FNDC3B: variants seen among roughly 807,000 people sequenced by gnomAD.
The protein encoded by FNDC3B is fibronectin type III domain containing 3B, also known as fibronectin type III domain-containing protein 3B.
Under a neutral mutation model 151.5 loss-of-function variants are expected in FNDC3B, and 12 were observed. That is an observed-to-expected ratio of 0.08 (90% confidence interval 0.05 to 0.13). The LOEUF (loss-of-function observed/expected upper bound fraction) is 0.13. Ranked by LOEUF, FNDC3B falls within the 10% of genes least tolerant of loss-of-function variation. FNDC3B has a pLI of 1.00. For synonymous variants in FNDC3B, 528 were observed against 549.0 expected (o/e 0.96, Z 0.54); for missense variants, 1,214 against 1,505.3 (o/e 0.81, Z 3.20).
chr3:172,152,355 C>A (rs913411238), intron 3 of FNDC3B, among the ~76,000 whole-genome samples: 17 of 152,154 alleles, frequency 1.1e-4, no homozygotes, highest in Non-Finnish European at 1.9e-4. Context: ...GGGTACTTAA[C>A]GCCTTCTAAG....
chr3:172,363,245 T>G (rs1444202271), intron 23 of FNDC3B, among the ~76,000 whole-genome samples: 2 of 152,164 alleles, frequency 1.3e-5, no homozygotes, highest in African/African-American at 2.4e-5. Flanking sequence ...AGGACAAACA[T>G]GTTTACCAAT....
chr3:172,174,944 C>CCCCCCCG (rs924176605), intron 3 of FNDC3B, among the ~76,000 whole-genome samples: 38 of 50,740 alleles, frequency 7.5e-4, no homozygotes, highest in East Asian at 8.8e-4. Flanking sequence ...CCCCCCCCCC[C>CCCCCCCG]CCAATACAAT....
intron 3 of FNDC3B, among the ~76,000 whole-genome samples, chr3:172,159,999 T>C (rs1486118844): frequency 6.6e-6 from 1 of 152,204 alleles, no homozygotes; most frequent in African/African-American, 2.4e-5. Context: ...CTGCAGATTG[T>C]CCTGGGTCAC....
intron 3 of FNDC3B, among the ~76,000 whole-genome samples, chr3:172,134,581 GT>G (rs575938899): frequency 1.3e-3 from 198 of 149,176 alleles, no homozygotes; most frequent in Non-Finnish European, 2.3e-3. Context: ...TATAGAAACA[GT>G]TTTTTTTTTC....
At chr3:172,126,787 G>C (rs931760229) in intron 2 of FNDC3B, among the ~76,000 whole-genome samples, 10 of 152,170 alleles carry the variant, frequency 6.6e-5, no homozygotes, top group African/African-American at 2.4e-4. Context: ...GCCCTTAATA[G>C]GAAATTTCCA....
intron 6 of FNDC3B, among the ~76,000 whole-genome samples, chr3:172,266,929 G>A (rs1728950310): frequency 6.6e-6 from 1 of 152,252 alleles, no homozygotes; most frequent in East Asian, 1.9e-4. Context: ...AAACCTGGCT[G>A]AGCCAGCCCA....
At chr3:172,135,269 G>A (rs1320451237) in intron 3 of FNDC3B, among the ~76,000 whole-genome samples, 1 of 152,042 alleles carries the variant, frequency 6.6e-6, no homozygotes, top group Admixed American at 6.6e-5. Context: ...GTGTGTGTGT[G>A]TGTATATATG....
intron 1 of FNDC3B, among the ~76,000 whole-genome samples, chr3:172,107,635 A>G (rs1224248033): frequency 6.6e-6 from 1 of 152,144 alleles, no homozygotes; most frequent in African/African-American, 2.4e-5. Context: ...CTAAGATGAA[A>G]ATGAGTTACA....
chr3:172,248,510 A>G (rs1727900529), intron 5 of FNDC3B, among the ~76,000 whole-genome samples: 1 of 152,134 alleles, frequency 6.6e-6, no homozygotes, highest in Admixed American at 6.5e-5. Flanking sequence ...AATTGAGGGT[A>G]AAATTAGACT....
chr3:172,200,370 A>C (rs561932898), intron 3 of FNDC3B, among the ~76,000 whole-genome samples: 14 of 152,224 alleles, frequency 9.2e-5, no homozygotes, highest in Non-Finnish European at 2.1e-4. Flanking sequence ...AACGTTATTC[A>C]AAGACCTGCT....
At position 172,291,909 on chromosome 3, in the gene FNDC3B, A is replaced by G. The variant is rs74459233; in HGVS notation, c.850-3454A>G. On this transcript the variant is annotated intron_variant, in intron 7 of 25. Coordinates refer to ENST00000415807, the MANE Select transcript of FNDC3B (RefSeq NM_022763.4). ...CATATATGAGTGTTGTTGCTCTGAA[A>G]TCGGCATGAACCTAGATAGAGTTCC... 4.4e-3 allele frequency among the ~76,000 whole-genome samples: 670 copies of G among 152,246 alleles called. 1 individual carries two copies. Among genetic ancestry groups the G allele is most frequent in the African/African-American group, 0.015 (634 of 41,522 alleles).
intron 11 of FNDC3B, among the ~76,000 whole-genome samples, chr3:172,326,537 G>A (rs1384982751): frequency 6.6e-6 from 1 of 152,184 alleles, no homozygotes; most frequent in African/African-American, 2.4e-5. Context: ...TTGTTTTTGA[G>A]ATGGAGTCTT....
At chr3:172,217,556 T>A (rs1726051680) in intron 3 of FNDC3B, among the ~76,000 whole-genome samples, 1 of 52,880 alleles carries the variant, frequency 1.9e-5, no homozygotes, top group Non-Finnish European at 5.1e-5. Context: ...TTCAATTCCT[T>A]ACATCTTGCA....
In FNDC3B at chr3:172,134,988, T is replaced by TA. The variant is rs776856315; in HGVS notation, c.187+1458dup. Among the ~76,000 whole-genome samples the TA allele has an allele frequency of 8.9e-3, 1,236 of 138,706 alleles. 10 individuals carry two copies. The highest frequency in any genetic ancestry group is 0.012 in the African/African-American group (473 of 38,022). The allele number at this position is 138,706 out of a possible 152,430, so 91.0% of individuals were successfully genotyped here. A position where few individuals can be genotyped will look rare whatever the true frequency, so the allele number is the denominator to read the frequency against. The stretch of plus-strand genomic sequence containing the variant: ...CTCAGAATCCTACAACCCTGTATCT[T>TA]AAAAAAAAAAAAAAAATCACACTAG... On this transcript the variant is annotated intron_variant, in intron 3 of 25. Coordinates refer to ENST00000415807, the MANE Select transcript of FNDC3B (RefSeq NM_022763.4).
At chr3:172,193,457 C>A (rs1576785009) in intron 3 of FNDC3B, among the ~76,000 whole-genome samples, 1 of 149,390 alleles carries the variant, frequency 6.7e-6, no homozygotes, top group Non-Finnish European at 1.5e-5. Context: ...TCATATTACT[C>A]AATTTTTAGT....
intron 6 of FNDC3B, among the ~76,000 whole-genome samples, chr3:172,268,635 C>T (rs1362439512): frequency 6.6e-6 from 1 of 152,134 alleles, no homozygotes; most frequent in Non-Finnish European, 1.5e-5. Context: ...TAAGGTAGTT[C>T]AGTTGTATAA....
Position 172,235,389 on chromosome 3 carries a change from C to A in FNDC3B, c.264+8442C>A, listed in dbSNP as rs533024353. 2.6e-4 allele frequency among the ~76,000 whole-genome samples: 40 copies of A among 152,312 alleles called. No individual in the cohort carries two copies. The South Asian group carries it at 7.9e-3, about 30-fold the overall frequency. On this transcript the variant is annotated intron_variant, in intron 4 of 25. Coordinates refer to ENST00000415807, the MANE Select transcript of FNDC3B (RefSeq NM_022763.4). ...TAAAGATGTAATTTCTAACTGAGATCATGGTCCCCTGAATTCTGTTCATCT... is the reference window on the plus strand; with the variant it reads ...TAAAGATGTAATTTCTAACTGAGATAATGGTCCCCTGAATTCTGTTCATCT...
intron 1 of FNDC3B, among the ~76,000 whole-genome samples, chr3:172,084,210 A>T (rs1718430810): frequency 6.6e-6 from 1 of 152,084 alleles, no homozygotes; most frequent in Admixed American, 6.5e-5. Context: ...GTAGCTTGGG[A>T]GGCCAAGGTG....
intron 4 of FNDC3B, among the ~76,000 whole-genome samples, chr3:172,228,411 G>A (rs1369543767): frequency 2.6e-5 from 4 of 152,298 alleles, no homozygotes; most frequent in Non-Finnish European, 4.4e-5. Context: ...TATGCTAAAG[G>A]TCCATTTAAG....
Sources: allele counts gnomAD v4.1 joint callset (sites outside exome capture counted in the v4.1 genomes callset), GRCh38; gene constraint gnomAD v4.1.1; transcripts MANE v1.5; gene names NCBI Gene and HGNC (gene_info 2026-07-23, HGNC 2026-07-21).